The following HYDIN variants were observed in gnomAD, a reference collection of about 807,000 sequenced individuals.
The protein encoded by HYDIN is HYDIN axonemal central pair apparatus protein.
Under a neutral mutation model 403.9 loss-of-function variants are expected in HYDIN, and 132 were observed. The ratio of observed to expected loss-of-function variants is 0.33; its 90% CI spans 0.28 to 0.38. The LOEUF (loss-of-function observed/expected upper bound fraction) is 0.38. Ranked by LOEUF, HYDIN falls within the 10% of genes least tolerant of loss-of-function variation. The pLI, the probability that HYDIN is intolerant of heterozygous loss-of-function variation, is 1.00. For synonymous variants in HYDIN, 1,202 were observed against 1,891.7 expected, an observed-to-expected ratio of 0.64 and a Z score of 9.46; for missense variants, 2,827 against 5,009.5, an observed-to-expected ratio of 0.56 and a Z score of 13.15.
At chr16:70,896,656 GTT>G (rs60309404) in intron 53 of HYDIN, among the ~76,000 whole-genome samples, 9 of 125,650 alleles carry the variant, frequency 7.2e-5, no homozygotes, top group Admixed American at 2.4e-4. Context: ...ATGCCCAACT[GTT>G]TTTTTTTTTT....
At chr16:71,136,745 C>G (rs532386076) in intron 8 of HYDIN, among the ~76,000 whole-genome samples, 3 of 138,532 alleles carry the variant, frequency 2.2e-5, no homozygotes, top group Non-Finnish European at 4.6e-5. Context: ...CCAGCCCTGG[C>G]GACAGTACGA....
intron 41 of HYDIN, among the ~76,000 whole-genome samples, chr16:70,951,014 C>T (rs773068225): frequency 2.6e-5 from 4 of 152,096 alleles, no homozygotes; most frequent in Admixed American, 1.3e-4. Flanking sequence ...CCAGGAGGAT[C>T]GCTTGAGGCC....
At chr16:70,837,628 A>C in intron 77 of HYDIN, 62 bp downstream of exon 77, 2 of 1,596,140 alleles carry the variant, frequency 1.3e-6, no homozygotes, top group Non-Finnish European at 1.7e-6. Flanking sequence ...TGGGGGGCAA[A>C]GAAGGATGAG....
intron 20 of HYDIN, among the ~76,000 whole-genome samples, chr16:71,026,878 T>C (rs2080722474): frequency 6.6e-6 from 1 of 152,058 alleles, no homozygotes; most frequent in South Asian, 2.1e-4. Flanking sequence ...ACCTCCAAAT[T>C]TGGCAACACA....
chr16:71,062,506 G>A (rs2082125577), intron 16 of HYDIN, 173 bp from the exon 17 acceptor site: 2 of 562,404 alleles, frequency 3.6e-6, no homozygotes, highest in Non-Finnish European at 6.2e-6. Context: ...GTTTGGTTAA[G>A]TGGGATGTGC....
rs563272077 is a variant in HYDIN, at chr16:71,022,646, T to C, written c.3187-2329A>G. On this transcript the variant is annotated intron_variant, in intron 21 of 85. Coordinates refer to ENST00000393567, the MANE Select transcript of HYDIN (RefSeq NM_001270974.2). ...CTCTTGCATATGCTGGGTAATGAAGTTGCATTTCTTCATTGTCCCTGATGT... is the reference window on the plus strand; with the variant it reads ...CTCTTGCATATGCTGGGTAATGAAGCTGCATTTCTTCATTGTCCCTGATGT... 1.8e-3 allele frequency among the ~76,000 whole-genome samples: 276 copies of C among 151,454 alleles called. 1 individual carries two copies. The highest frequency in any genetic ancestry group is 5.3e-3 in the Admixed American group (81 of 15,168).
chr16:70,960,772 AC>A (rs1279692484), intron 38 of HYDIN, among the ~76,000 whole-genome samples: 1 of 152,074 alleles, frequency 6.6e-6, no homozygotes, highest in Non-Finnish European at 1.5e-5. Context: ...GCTCACTGCA[AC>A]CTCCGCCTCC....
chr16:71,062,527 A>G (rs2082126695), intron 16 of HYDIN, 194 bp from the exon 17 acceptor site: 2 of 538,382 alleles, frequency 3.7e-6, no homozygotes, highest in South Asian at 5.4e-5. Context: ...GTGAGGCCCA[A>G]AATTCAAAGT....
At chr16:71,068,466 C>T (rs1379631895) in intron 14 of HYDIN, among the ~76,000 whole-genome samples, 1 of 151,576 alleles carries the variant, frequency 6.6e-6, no homozygotes, top group Non-Finnish European at 1.5e-5. Flanking sequence ...ACAGAGAATC[C>T]TAGTGTGACT....
chr16:71,220,082 G>A (rs996219212), intron 1 of HYDIN, among the ~76,000 whole-genome samples: 1 of 152,094 alleles, frequency 6.6e-6, no homozygotes, highest in African/African-American at 2.4e-5. Context: ...TCCCCCAGAA[G>A]ATTAACATAA....
chr16:71,175,100 C>T (rs1053317602), intron 5 of HYDIN, among the ~76,000 whole-genome samples: 1 of 151,648 alleles, frequency 6.6e-6, no homozygotes, highest in Non-Finnish European at 1.5e-5. Flanking sequence ...ACACCACCAC[C>T]ACCCACCAAC....
At chr16:71,211,706 G>C (rs1245092437) in intron 1 of HYDIN, among the ~76,000 whole-genome samples, 8 of 148,694 alleles carry the variant, frequency 5.4e-5, no homozygotes, top group African/African-American at 9.9e-5. Flanking sequence ...CAAAGAATAA[G>C]AATACCTACA....
At position 70,992,076 on chromosome 16, in the gene HYDIN, A is replaced by G. The variant is rs1298006400; in HGVS notation, c.3779T>C (p.Phe1260Ser). The change falls in exon 24 of 86, where the codon TTT becomes TCT. Residue 1260 changes from phenylalanine (F) to serine (S), a missense_variant. Transcript: ENST00000393567. ...VESPEMDLND[F>S]VKTVLVDEDA... ...ATGTTGGCTTTGCACTTACTTAACA[A>G]AATCATTTAAATCCATCTCGGGGGA... 1.6e-5 allele frequency: 26 copies of G among 1,613,766 alleles called. No individual in the cohort carries two copies. Among genetic ancestry groups the G allele is most frequent in the Non-Finnish European group, 2.0e-5 (24 of 1,179,916 alleles).
Position 70,806,312 on chromosome 16 carries a change from G to C in HYDIN, c.*1268C>G, listed in dbSNP as rs1473753820. On this transcript the variant is annotated 3_prime_UTR_variant, in exon 86 of 86. Transcript: ENST00000393567. Reference sequence around the variant, plus strand: ...CTTGGAATGTATCCCCTGAGGATGAGGGAGGACTATTGTAAAGGTCTGTGT... The same window carrying C: ...CTTGGAATGTATCCCCTGAGGATGACGGAGGACTATTGTAAAGGTCTGTGT... Among the ~76,000 whole-genome samples, 1 of 152,142 alleles carries C rather than the reference G, an allele frequency of 6.6e-6. No individual in the cohort carries two copies.
intron 23 of HYDIN, among the ~76,000 whole-genome samples, chr16:70,993,201 A>G (rs1171102090): frequency 1.3e-5 from 2 of 152,154 alleles, no homozygotes; most frequent in Admixed American, 6.5e-5. Context: ...CTAGAGTATC[A>G]TTTCCTAAAT....
intron 5 of HYDIN, among the ~76,000 whole-genome samples, chr16:71,164,896 CT>C (rs1206450806): frequency 6.6e-6 from 1 of 151,870 alleles, no homozygotes; most frequent in African/African-American, 2.4e-5. Context: ...AGCGGTCTGG[CT>C]TTAGAACCCT....
chr16:70,872,389 T>TGCAG, intron 64 of HYDIN, among the ~76,000 whole-genome samples: 1 of 147,750 alleles, frequency 6.8e-6, no homozygotes, highest in East Asian at 2.0e-4. Flanking sequence ...CATCCATCCA[T>TGCAG]CCATCCATCC....
intron 73 of HYDIN, among the ~76,000 whole-genome samples, chr16:70,853,009 A>C (rs1474971903): frequency 2.4e-5 from 1 of 41,510 alleles, no homozygotes; most frequent in Non-Finnish European, 4.4e-5. Context: ...CCCCATCTCT[A>C]CTAAAAAAAA....
chr16:70,829,522 C>G (rs1445678040), intron 81 of HYDIN, 96 bp downstream of exon 81: 25 of 896,104 alleles, frequency 2.8e-5, no homozygotes, highest in Non-Finnish European at 4.3e-5. Context: ...GCATGAGCCA[C>G]CACGCCCAGC....
Sources: gnomAD v4.1 joint callset for allele counts (sites outside exome capture counted in the v4.1 genomes callset) on GRCh38, gnomAD v4.1.1 for gene constraint, MANE v1.5 for transcripts, NCBI Gene and HGNC (gene_info 2026-07-23, HGNC 2026-07-21) for gene names.